The following TENT4B variants were observed in gnomAD, a reference collection of about 807,000 sequenced individuals.
The protein encoded by TENT4B is PAP associated domain containing 5.
TENT4B carries 10 observed loss-of-function variants against 75.0 expected under a neutral mutation model. The ratio of observed to expected loss-of-function variants is 0.13; its 90% confidence interval spans 0.08 to 0.23. TENT4B has a LOEUF of 0.23. Among genes scored for constraint, TENT4B ranks in the 10% least tolerant of loss-of-function variants. TENT4B has a pLI of 1.00. For missense variants in TENT4B, 579 were observed against 893.8 expected (o/e 0.65, Z 4.49); for synonymous variants, 350 against 357.7 (o/e 0.98, Z 0.24).
At chr16:50,207,485 C>T (rs1299661296) in intron 1 of TENT4B, among the ~76,000 whole-genome samples, 2 of 152,092 alleles carry the variant, frequency 1.3e-5, no homozygotes, top group East Asian at 3.9e-4. Flanking sequence ...GCCCGAGCCA[C>T]TTTTCCTTTT....
chr16:50,220,984 GA>G (rs201268762), intron 5 of TENT4B, among the ~76,000 whole-genome samples: 5 of 150,350 alleles, frequency 3.3e-5, no homozygotes, highest in Admixed American at 2.7e-4. Flanking sequence ...TAAGAGTAAA[GA>G]AAAAAAAATG....
intron 1 of TENT4B, among the ~76,000 whole-genome samples, chr16:50,167,118 G>T (rs896508104): frequency 1.3e-5 from 2 of 152,124 alleles, no homozygotes; most frequent in African/African-American, 4.8e-5. Context: ...CTAGATCGGG[G>T]TGTCCAATCT....
Position 50,229,142 on chromosome 16 carries a change from G to A in TENT4B, c.1966-10G>A. The A allele has an allele frequency of 6.2e-7, 1 of 1,610,090 alleles. No homozygotes were observed. Among genetic ancestry groups the A allele is most frequent in the Admixed American group, 1.7e-5 (1 of 59,246 alleles). On this transcript the variant is annotated splice_polypyrimidine_tract_variant and intron_variant, in intron 11 of 11. Coordinates refer to ENST00000561678, the MANE Select transcript of TENT4B (RefSeq NM_001365324.3). ...ACTGATGTCTTTGTGGTCGTTTTCT[G>A]TTTCTGCAGCATGGATCAGCAAGGC... is the stretch of plus-strand genomic sequence containing the variant.
At chr16:50,220,731 G>A (rs1346424290) in intron 5 of TENT4B, among the ~76,000 whole-genome samples, 2 of 151,856 alleles carry the variant, frequency 1.3e-5, no homozygotes, top group Admixed American at 6.6e-5. Flanking sequence ...GTTTCTCCAT[G>A]TTGGCCAGGC....
Position 50,228,016 on chromosome 16 carries a change from T to C in TENT4B, c.1965+13T>C. ...CAACAAATCTCAGGTGTGTGGAACGTGGGTTTTTAATTGTTAGTATTTGAT... is the reference window on the plus strand; with the variant it reads ...CAACAAATCTCAGGTGTGTGGAACGCGGGTTTTTAATTGTTAGTATTTGAT... On this transcript the variant is annotated intron_variant, in intron 11 of 11. Transcript: ENST00000561678. 1 of 1,610,826 alleles carries C rather than the reference T, an allele frequency of 6.2e-7. No individual in the cohort carries two copies. The highest frequency in any genetic ancestry group is 8.5e-7 in the Non-Finnish European group (1 of 1,177,932).
intron 4 of TENT4B, 39 bp from the exon 5 acceptor site, chr16:50,217,516 TG>T: frequency 9.1e-7 from 1 of 1,095,194 alleles, no homozygotes; most frequent in Non-Finnish European, 1.3e-6. Context: ...TCATTTAATC[TG>T]GTTAAAGCAT....
At chr16:50,190,297 T>C (rs1265477836) in intron 1 of TENT4B, among the ~76,000 whole-genome samples, 1 of 151,960 alleles carries the variant, frequency 6.6e-6, no homozygotes, top group Non-Finnish European at 1.5e-5. Flanking sequence ...TTTTGAATGC[T>C]TTTGAAAAAT....
intron 1 of TENT4B, among the ~76,000 whole-genome samples, chr16:50,156,366 C>T (rs1325267236): frequency 2.8e-5 from 4 of 144,306 alleles, no homozygotes; most frequent in East Asian, 4.0e-4. Flanking sequence ...TTTTTTGAGA[C>T]GGAGTTTCGC....
At chr16:50,158,140 G>A (rs907337857) in intron 1 of TENT4B, among the ~76,000 whole-genome samples, 1 of 152,058 alleles carries the variant, frequency 6.6e-6, no homozygotes, top group African/African-American at 2.4e-5. Flanking sequence ...AGGCTGGAGT[G>A]TGGTGGCACA....
At chr16:50,187,231 G>A (rs2038546281) in intron 1 of TENT4B, among the ~76,000 whole-genome samples, 1 of 152,150 alleles carries the variant, frequency 6.6e-6, no homozygotes, top group Non-Finnish European at 1.5e-5. Context: ...TATGATTTTA[G>A]CTCCTAAGTT....
intron 9 of TENT4B, 46 bp from the exon 10 acceptor site, chr16:50,225,052 C>T (rs763450136): frequency 6.2e-6 from 10 of 1,606,520 alleles, no homozygotes; most frequent in East Asian, 2.2e-5. Flanking sequence ...GTGTTGTGTG[C>T]GTTTAATGGG....
intron 1 of TENT4B, among the ~76,000 whole-genome samples, chr16:50,163,690 C>T (rs543101493): frequency 7.3e-5 from 11 of 151,338 alleles, no homozygotes; most frequent in Non-Finnish European, 1.2e-4. Flanking sequence ...TGAGCCACCG[C>T]GCCCGGCCTG....
intron 1 of TENT4B, among the ~76,000 whole-genome samples, chr16:50,195,229 T>A (rs2030150473): frequency 6.6e-6 from 1 of 152,158 alleles, no homozygotes; most frequent in South Asian, 2.1e-4. Context: ...AAGAGCTTCT[T>A]TGAAAAATAT....
At chr16:50,207,829 C>A (rs994783704) in intron 1 of TENT4B, among the ~76,000 whole-genome samples, 1 of 152,198 alleles carries the variant, frequency 6.6e-6, no homozygotes, top group Non-Finnish European at 1.5e-5. Context: ...GAGAGCCAGA[C>A]TTACAGTGCA....
At chr16:50,219,124 CT>C (rs2031710390) in intron 5 of TENT4B, among the ~76,000 whole-genome samples, 1 of 152,022 alleles carries the variant, frequency 6.6e-6, no homozygotes, top group African/African-American at 2.4e-5. Flanking sequence ...CTAATATTTT[CT>C]TTTTCTGGAA....
chr16:50,195,596 A>T (rs944417817), intron 1 of TENT4B, among the ~76,000 whole-genome samples: 2 of 152,208 alleles, frequency 1.3e-5, no homozygotes, highest in African/African-American at 4.8e-5. Flanking sequence ...GGAGGCTTTA[A>T]ATTATGTCTG....
At chr16:50,214,290 C>G (rs767436588) in intron 3 of TENT4B, 23 bp downstream of exon 3, 2 of 1,547,134 alleles carry the variant, frequency 1.3e-6, no homozygotes, top group Non-Finnish European at 1.8e-6. Context: ...ATGAATCTTT[C>G]AAAGGACTTT....
chr16:50,192,943 A>G (rs193194394), intron 1 of TENT4B, among the ~76,000 whole-genome samples: 5 of 152,238 alleles, frequency 3.3e-5, no homozygotes, highest in Admixed American at 6.5e-5. Context: ...GCATGGTGTT[A>G]TGTGCCTGTG....
Position 50,230,696 on chromosome 16 carries a change from ATCAT to A in TENT4B, c.*1369_*1372del. 1.0e-6 allele frequency: 1 copy of A among 985,694 alleles called. No homozygotes were observed. Among genetic ancestry groups the A allele is most frequent in the East Asian group, 1.1e-4 (1 of 8,814 alleles). 61.1% of individuals were successfully genotyped at this position (985,694 alleles called of 1,614,324 possible). A position where few individuals can be genotyped will look rare whatever the true frequency, so the allele number is the denominator to read the frequency against. On this transcript the variant is annotated 3_prime_UTR_variant, in exon 12 of 12. Transcript: ENST00000561678. ...CTTTTTTAAACATTGGCTTGTTTCA[ATCAT>A]ACTGTAAATTTTGGTTGTAGTCAGC...
Sources: allele counts gnomAD v4.1 joint callset (sites outside exome capture counted in the v4.1 genomes callset), GRCh38; gene constraint gnomAD v4.1.1; transcripts MANE v1.5; gene names NCBI Gene and HGNC (gene_info 2026-07-23, HGNC 2026-07-21).